The following LY75 variants were observed in gnomAD, a reference collection of about 807,000 sequenced individuals.
LY75 encodes the protein lymphocyte antigen 75.
A neutral mutation model predicts 231.7 loss-of-function variants in LY75; 185 were observed. The ratio of observed to expected loss-of-function variants is 0.80; its 90% confidence interval spans 0.71 to 0.90. The LOEUF is 0.90. LY75 is among the 40% of genes least tolerant of loss of function. The pLI, the probability that LY75 is intolerant of heterozygous loss-of-function variation, is 0.00. For missense variants in LY75, 1,947 were observed against 2,050.2 expected, an observed-to-expected ratio of 0.95 and a Z score of 0.97; for synonymous variants, 668 against 689.0, an observed-to-expected ratio of 0.97 and a Z score of 0.48.
intron 25 of LY75, among the ~76,000 whole-genome samples, chr2:159,840,508 G>C (rs988875068): frequency 6.6e-6 from 1 of 152,118 alleles, no homozygotes; most frequent in Non-Finnish European, 1.5e-5. Flanking sequence ...GGAGGTCAAG[G>C]CTGCAGTGAA....
chr2:159,853,566 A>C, intron 19 of LY75, 64 bp downstream of exon 19: 1 of 1,602,862 alleles, frequency 6.2e-7, no homozygotes, highest in Non-Finnish European at 8.5e-7. Context: ...AAATCCATTT[A>C]GTAAAAGGAA....
intron 28 of LY75, among the ~76,000 whole-genome samples, chr2:159,828,218 A>ATTTTATATAAC (rs1683538539): frequency 6.7e-6 from 1 of 149,978 alleles, no homozygotes; most frequent in African/African-American, 2.4e-5. Flanking sequence ...TTTTATATAA[A>ATTTTATATAAC]TTTTAAAATA....
At chr2:159,831,081 G>C (rs1683640842) in intron 28 of LY75, among the ~76,000 whole-genome samples, 2 of 152,166 alleles carry the variant, frequency 1.3e-5, no homozygotes, top group African/African-American at 2.4e-5. Flanking sequence ...ACATAAAAGA[G>C]TGAAAAAAGA....
chr2:159,842,573 T>C (rs1322480862), intron 23 of LY75, among the ~76,000 whole-genome samples, 199 bp from the exon 24 acceptor site: 3 of 152,104 alleles, frequency 2.0e-5, no homozygotes, highest in African/African-American at 7.2e-5. Flanking sequence ...AAAAACAAAA[T>C]AGTGGCAATC....
intron 1 of LY75, chr2:159,903,241 T>C (rs1195837851): frequency 6.6e-6 from 1 of 152,182 alleles, no homozygotes; most frequent in Non-Finnish European, 1.5e-5. Flanking sequence ...ATTGCAAGAA[T>C]TAGGGAAATC....
At chr2:159,825,911 C>T (rs1162371540) in intron 28 of LY75, among the ~76,000 whole-genome samples, 1 of 152,174 alleles carries the variant, frequency 6.6e-6, no homozygotes, top group Non-Finnish European at 1.5e-5. Context: ...TTCAACACCC[C>T]TTCATGCTAA....
intron 12 of LY75, among the ~76,000 whole-genome samples, chr2:159,873,715 A>G (rs1357108639): frequency 2.7e-5 from 4 of 148,906 alleles, no homozygotes; most frequent in African/African-American, 7.3e-5. Context: ...ATATATATAC[A>G]TATAATAAAA....
rs144712620 is a variant in LY75, at chr2:159,850,388, G to A, written c.2963C>T (p.Pro988Leu). The A allele has an allele frequency of 7.4e-5, 119 of 1,613,552 alleles. No homozygotes were observed. The African/African-American group carries it at 7.5e-4, about 10-fold the overall frequency. Residue 988 changes from proline (P) to leucine (L), a missense_variant, in exon 22 of 35, where the codon CCT (proline) becomes CTT (leucine). By Grantham distance (98) the Pro-to-Leu change is moderately conservative (BLOSUM62 -3). Transcript: ENST00000263636. ...TTGTTCAATCTGGCTCAACACTGAA[G>A]GAAGGGTGCCACCATAGGAGTGACA... ...DTCHSYGGTL[P>L]SVLSQIEQDF...
Position 159,852,273 on chromosome 2 carries a change from C to T in LY75, c.2811G>A (p.Ser937=), listed in dbSNP as rs116013725. The change falls in exon 21 of 35, where the codon TCG becomes TCA. Residue 937 remains serine (S), a synonymous_variant. Transcript: ENST00000263636. ...CAGAATCTGGGCTGTATTTCTCTAA[C>T]GAAGAAACATTATATTTTTCACAGA... The part of the protein sequence containing the change: ...PFICEKYNVS[S]LEKYSPDSAA... 419 of 1,613,928 alleles carry T rather than the reference C, an allele frequency of 2.6e-4. 2 individuals carry two copies. The African/African-American group carries it at 3.7e-3, about 14-fold the overall frequency.
At position 159,835,512 on chromosome 2, in the gene LY75, T is replaced by C. The variant is rs771878143; in HGVS notation, c.3641A>G (p.Asn1214Ser). The change falls in exon 26 of 35, where the codon AAT (asparagine) becomes AGT (serine). Residue 1214 changes from asparagine (N) to serine (S), a missense_variant. Asn to Ser is a conservative substitution (Grantham distance 46). Coordinates refer to ENST00000263636, the MANE Select transcript of LY75 (RefSeq NM_002349.4). ...GFWKTVDCND[N>S]QPGAICYYSG... Reference sequence around the variant, plus strand: ...ATAGTAGCAAATAGCACCTGGTTGATTGTCATTGCAATCAACTGTTTTCCA... The same window carrying C: ...ATAGTAGCAAATAGCACCTGGTTGACTGTCATTGCAATCAACTGTTTTCCA... The C allele has an allele frequency of 1.2e-6, 2 of 1,611,438 alleles. No homozygotes were observed. The highest frequency in any genetic ancestry group is 1.3e-5 in the African/African-American group (1 of 74,886).
In LY75 at chr2:159,858,439, T is replaced by C. The variant is rs1490905487; in HGVS notation, c.2306A>G (p.Tyr769Cys). ...CAAATAAATAAATTCTCTATCATCA[T>C]AGAAATGCCAGCCTCTTCGCCATGG... Reference protein sequence around the residue: ...HRPWRRGWHFYDDREFIYLRP... With the variant: ...HRPWRRGWHFCDDREFIYLRP... Residue 769 changes from tyrosine to cysteine, a missense_variant, in exon 16 of 35, where the codon TAT becomes TGT. Transcript: ENST00000263636. 4 of 1,613,356 alleles carry C rather than the reference T, an allele frequency of 2.5e-6. No homozygotes were observed. The highest frequency in any genetic ancestry group is 1.1e-5 in the South Asian group (1 of 90,994).
chr2:159,866,213 G>A (rs1304331864), intron 13 of LY75, among the ~76,000 whole-genome samples: 1 of 152,120 alleles, frequency 6.6e-6, no homozygotes, highest in East Asian at 1.9e-4. Context: ...AGTCTACAGA[G>A]AAATATAAGT....
intron 16 of LY75, among the ~76,000 whole-genome samples, chr2:159,855,779 C>T (rs1302069703): frequency 6.6e-6 from 1 of 152,176 alleles, no homozygotes; most frequent in Non-Finnish European, 1.5e-5. Flanking sequence ...TATTTGCGTT[C>T]CTCCCCCTTT....
Position 159,814,561 on chromosome 2 carries a change from G to A in LY75, c.4549+844C>T, listed in dbSNP as rs1349062641. On this transcript the variant is annotated intron_variant, in intron 31 of 34. Transcript: ENST00000263636. Reference sequence around the variant, plus strand: ...TCCCAGCTACTCAGGAGGCTGAGTTGGGAGGACTGCTTGAGCCTAGGAGGT... The same window carrying A: ...TCCCAGCTACTCAGGAGGCTGAGTTAGGAGGACTGCTTGAGCCTAGGAGGT... 2.0e-5 allele frequency among the ~76,000 whole-genome samples: 3 copies of A among 151,628 alleles called. No homozygotes were observed. In the South Asian group the frequency reaches 6.2e-4, roughly 32 times the overall value.
chr2:159,808,436 T>A lies in LY75; in HGVS notation c.4822+13A>T. 2 of 1,613,648 alleles carry A rather than the reference T, an allele frequency of 1.2e-6. No individual in the cohort carries two copies. The highest frequency in any genetic ancestry group is 1.7e-6 in the Non-Finnish European group (2 of 1,179,784). ...CTCTCTTTGCACACTACACATACAA[T>A]TATTTCACTTACCAACAGAATGTTG... On this transcript the variant is annotated intron_variant, in intron 33 of 34. Coordinates refer to ENST00000263636, the MANE Select transcript of LY75 (RefSeq NM_002349.4).
At chr2:159,871,603 T>TA in intron 13 of LY75, among the ~76,000 whole-genome samples, 1 of 152,252 alleles carries the variant, frequency 6.6e-6, no homozygotes, top group East Asian at 1.9e-4. Flanking sequence ...AAGCTTTGTT[T>TA]TAAGTCTCTT....
rs563582967 is a variant in LY75, at chr2:159,807,039, T to C, written c.4924A>G (p.Asn1642Asp). The C allele has an allele frequency of 1.2e-6, 2 of 1,613,956 alleles. No individual in the cohort carries two copies. The highest frequency in any genetic ancestry group is 2.2e-5 in the South Asian group (2 of 91,018). The change falls in exon 34 of 35, where the codon AAT (asparagine) becomes GAT (aspartate). Residue 1642 changes from asparagine to aspartate, a missense_variant. By Grantham distance (23) the Asn-to-Asp change is conservative (BLOSUM62 1). Coordinates refer to ENST00000263636, the MANE Select transcript of LY75 (RefSeq NM_002349.4). Reference protein sequence around the residue: ...VGRCSMLIASNETWKKVECEH... With the variant: ...VGRCSMLIASDETWKKVECEH... ...CATTCAACTTTTTTCCAAGTTTCAT[T>C]TGAAGCTATCAACATGCTACATCTT...
intron 28 of LY75, among the ~76,000 whole-genome samples, chr2:159,827,808 G>A (rs141973374): frequency 0.012 from 1,884 of 152,232 alleles, 16 homozygotes; most frequent in Admixed American, 0.028. Context: ...TCCTTTGCAG[G>A]GACATGGATG....
intron 31 of LY75, 159 bp from the exon 32 acceptor site, chr2:159,810,834 T>C: frequency 1.3e-6 from 1 of 749,316 alleles, no homozygotes. Flanking sequence ...TAAATACATA[T>C]TTTAATTAAC....
Sources: gnomAD v4.1 joint callset for allele counts (sites outside exome capture counted in the v4.1 genomes callset) on GRCh38, gnomAD v4.1.1 for gene constraint, MANE v1.5 for transcripts, NCBI Gene and HGNC (gene_info 2026-07-23, HGNC 2026-07-21) for gene names.